GPAM: variants seen among roughly 807,000 people sequenced by gnomAD.
The protein encoded by GPAM is glycerol-3-phosphate acyltransferase 1, mitochondrial.
In GPAM, 56 loss-of-function variants were observed where a neutral mutation model predicts 105.0. The observed-to-expected ratio is 0.53, with a 90% CI of 0.43 to 0.67. GPAM has a LOEUF of 0.67. Among genes scored for constraint, GPAM ranks in the 30% least tolerant of loss-of-function variants. The pLI, the probability that GPAM is intolerant of heterozygous loss-of-function variation, is 0.00. For missense variants in GPAM, 855 were observed against 989.8 expected, an observed-to-expected ratio of 0.86 and a Z score of 1.83; for synonymous variants, 368 against 354.4, an observed-to-expected ratio of 1.04 and a Z score of -0.43.
At chr10:112,161,761 T>A in intron 14 of GPAM, 24 bp from the exon 15 acceptor site, 1 of 1,598,756 alleles carries the variant, frequency 6.3e-7, no homozygotes. Flanking sequence ...ACAAAGCTTT[T>A]TTTAGTTGCA....
At chr10:112,174,006 G>A (rs536493041) in intron 6 of GPAM, among the ~76,000 whole-genome samples, 161 bp from the exon 7 acceptor site, 13 of 152,114 alleles carry the variant, frequency 8.5e-5, no homozygotes, top group Non-Finnish European at 1.3e-4. Context: ...TGCTCTTTCT[G>A]GCTATCTATT....
intron 1 of GPAM, among the ~76,000 whole-genome samples, chr10:112,194,787 C>A (rs974223896): frequency 1.3e-5 from 2 of 152,128 alleles, no homozygotes; most frequent in Non-Finnish European, 2.9e-5. Flanking sequence ...TTTCTTTCTA[C>A]CCCCCTAGAT....
chr10:112,161,527 C>T, intron 15 of GPAM, 140 bp downstream of exon 15: 1 of 699,728 alleles, frequency 1.4e-6, no homozygotes, highest in Non-Finnish European at 2.6e-6. Context: ...CTCCTTTGGG[C>T]AGGGTCCTCA....
intron 1 of GPAM, among the ~76,000 whole-genome samples, chr10:112,194,152 C>T (rs1159921107): frequency 3.9e-5 from 6 of 152,186 alleles, no homozygotes; most frequent in East Asian, 3.8e-4. Flanking sequence ...TACATGCCTT[C>T]GTGTTTGCCA....
At chr10:112,170,078 T>G (rs1847287245) in intron 9 of GPAM, among the ~76,000 whole-genome samples, 1 of 152,210 alleles carries the variant, frequency 6.6e-6, no homozygotes, top group African/African-American at 2.4e-5. Flanking sequence ...AGAAATAAAG[T>G]GCACAATAAA....
At position 112,150,498 on chromosome 10, in the gene GPAM, C is replaced by T. The variant is rs1265409963; in HGVS notation, c.*3052G>A. The T allele has an allele frequency of 2.0e-6, 2 of 985,322 alleles. No homozygotes were observed. The highest frequency in any genetic ancestry group is 1.1e-4 in the East Asian group (1 of 8,824). The allele number at this position is 985,322 out of a possible 1,614,324, so 61.0% of individuals were successfully genotyped here. ...CTATTCAACGCCACACTGGACGTTA[C>T]AAAATGCATGCATATTCTGCCCCAG... On this transcript the variant is annotated 3_prime_UTR_variant, in exon 22 of 22. Coordinates refer to ENST00000348367, the MANE Select transcript of GPAM (RefSeq NM_001244949.2).
At chr10:112,192,076 C>T (rs1339020619) in intron 1 of GPAM, among the ~76,000 whole-genome samples, 7 of 152,144 alleles carry the variant, frequency 4.6e-5, no homozygotes, top group South Asian at 4.1e-4. Context: ...GCTTGGCTTC[C>T]GCACAACACA....
chr10:112,195,127 G>A (rs576000336), intron 1 of GPAM, among the ~76,000 whole-genome samples: 23 of 151,890 alleles, frequency 1.5e-4, no homozygotes, highest in South Asian at 4.2e-4. Flanking sequence ...AAAATGCAGC[G>A]TGCCAAATGC....
At chr10:112,196,491 C>G (rs1198275163) in intron 1 of GPAM, among the ~76,000 whole-genome samples, 1 of 152,144 alleles carries the variant, frequency 6.6e-6, no homozygotes, top group Non-Finnish European at 1.5e-5. Context: ...GTGTAACTGT[C>G]TTTGGCTTTT....
At chr10:112,196,165 A>G (rs1847721634) in intron 1 of GPAM, among the ~76,000 whole-genome samples, 1 of 152,210 alleles carries the variant, frequency 6.6e-6, no homozygotes. Flanking sequence ...AAAACTAGGC[A>G]TGGCTAGAGA....
upstream of GPAM, among the ~76,000 whole-genome samples, chr10:112,188,302 A>T (rs1007274182): frequency 2.0e-5 from 3 of 152,230 alleles, no homozygotes; most frequent in Non-Finnish European, 4.4e-5. Flanking sequence ...TTCATAAGGA[A>T]AAAAGAGGAG....
intron 21 of GPAM, 130 bp from the exon 22 acceptor site, chr10:112,153,796 T>A: frequency 1.1e-6 from 1 of 892,566 alleles, no homozygotes; most frequent in Non-Finnish European, 1.7e-6. Flanking sequence ...ATCCTGGCAT[T>A]AAGTAAATGT....
intron 1 of GPAM, among the ~76,000 whole-genome samples, chr10:112,206,837 A>ATTTTT (rs1484774679): frequency 7.3e-4 from 111 of 151,840 alleles, no homozygotes; most frequent in African/African-American, 2.5e-3. Context: ...AAAATTTAAA[A>ATTTTT]AAAAAAAAAA....
the GPAM span, among the ~76,000 whole-genome samples, chr10:112,226,957 C>T: frequency 9.7e-4 from 147 of 152,226 alleles, no homozygotes; most frequent in African/African-American, 3.4e-3. Context: ...CCAAAGGCCA[C>T]GAGGGGTTTT....
chr10:112,214,119 G>GT (rs1038212047), intron 1 of GPAM, among the ~76,000 whole-genome samples: 3 of 152,140 alleles, frequency 2.0e-5, no homozygotes, highest in African/African-American at 7.2e-5. Flanking sequence ...TCCTGTGGGG[G>GT]GATCCACAGA....
chr10:112,158,707 C>T (rs1847064100), intron 17 of GPAM, among the ~76,000 whole-genome samples: 1 of 152,184 alleles, frequency 6.6e-6, no homozygotes, highest in Non-Finnish European at 1.5e-5. Context: ...GCTTATCAGC[C>T]CCCCACCATC....
the GPAM span, among the ~76,000 whole-genome samples, chr10:112,226,775 G>A: frequency 1.3e-5 from 2 of 152,182 alleles, no homozygotes; most frequent in African/African-American, 2.4e-5. Context: ...ACTTGAGATA[G>A]TAAGAGTGCT....
chr10:112,157,632 C>T (rs755329383), intron 18 of GPAM, among the ~76,000 whole-genome samples: 2 of 152,160 alleles, frequency 1.3e-5, no homozygotes, highest in Non-Finnish European at 2.9e-5. Context: ...AAAGTACCCC[C>T]ACATGTTCTA....
upstream of GPAM, among the ~76,000 whole-genome samples, chr10:112,184,851 A>G (rs907162952): frequency 3.9e-5 from 6 of 152,064 alleles, no homozygotes; most frequent in Admixed American, 2.6e-4. Flanking sequence ...GTGGAGATCT[A>G]CAACAGATCT....
Sources: gnomAD v4.1 joint callset for allele counts (sites outside exome capture counted in the v4.1 genomes callset) on GRCh38, gnomAD v4.1.1 for gene constraint, MANE v1.5 for transcripts, NCBI Gene and HGNC (gene_info 2026-07-23, HGNC 2026-07-21) for gene names.